The following FGF12 variants were observed in gnomAD, a reference collection of about 807,000 sequenced individuals.
FGF12 encodes the protein fibroblast growth factor 12B.
Under a neutral mutation model 23.6 loss-of-function variants are expected in FGF12, and 14 were observed. The ratio of observed to expected loss-of-function variants is 0.59; its 90% CI spans 0.39 to 0.93. FGF12 has a LOEUF of 0.93. Among genes scored for constraint, FGF12 ranks in the 40% least tolerant of loss-of-function variants. The pLI is 0.00. For synonymous variants in FGF12, 62 were observed against 77.3 expected, an observed-to-expected ratio of 0.80 and a Z score of 1.04; for missense variants, 175 against 217.8, an observed-to-expected ratio of 0.80 and a Z score of 1.24.
chr3:192,553,324 A>G (rs1035015008), intron 2 of FGF12, among the ~76,000 whole-genome samples: 2 of 152,170 alleles, frequency 1.3e-5, no homozygotes, highest in African/African-American at 4.8e-5. Context: ...AATATATAAC[A>G]GCAATACCAC....
At chr3:192,230,865 A>G (rs994895987) in intron 4 of FGF12, among the ~76,000 whole-genome samples, 1 of 152,168 alleles carries the variant, frequency 6.6e-6, no homozygotes, top group Admixed American at 6.5e-5. Flanking sequence ...AGGTTGTGGA[A>G]ATCAAGTTGA....
chr3:192,644,870 G>A (rs1715944180), intron 2 of FGF12, among the ~76,000 whole-genome samples: 1 of 152,138 alleles, frequency 6.6e-6, no homozygotes, highest in Admixed American at 6.5e-5. Context: ...AGGTGTCGTT[G>A]AGCATGGTGG....
At position 192,649,334 on chromosome 3, in the gene FGF12, G is replaced by A. The variant is rs138294516; in HGVS notation, c.13+77847C>T. Among the ~76,000 whole-genome samples the A allele has an allele frequency of 3.9e-5, 6 of 152,216 alleles. No individual in the cohort carries two copies. In the East Asian group the frequency reaches 1.2e-3, roughly 29 times the overall value. On this transcript the variant is annotated intron_variant, in intron 2 of 5. Coordinates refer to ENST00000445105, the MANE Select transcript of FGF12 (RefSeq NM_004113.6). The stretch of plus-strand genomic sequence containing the variant: ...CCCAATGGTAATGTCTATTCAATGG[G>A]CGGAAAGAGCTAGGCCCTCCCAAAG...
chr3:192,377,671 C>T (rs925469520), intron 2 of FGF12, among the ~76,000 whole-genome samples: 5 of 152,158 alleles, frequency 3.3e-5, no homozygotes, highest in African/African-American at 7.2e-5. Context: ...GACTGAGTCA[C>T]GAACACATCT....
chr3:192,613,381 G>A (rs892751186), intron 2 of FGF12, among the ~76,000 whole-genome samples: 5 of 151,748 alleles, frequency 3.3e-5, no homozygotes, highest in African/African-American at 1.2e-4. Flanking sequence ...ATCTTGCTCT[G>A]TTTTATTTTC....
chr3:192,287,451 T>C (rs1714517488), intron 4 of FGF12, among the ~76,000 whole-genome samples: 1 of 152,178 alleles, frequency 6.6e-6, no homozygotes, highest in South Asian at 2.1e-4. Context: ...AAATTTAGCT[T>C]ATTGTTTTAA....
intron 2 of FGF12, among the ~76,000 whole-genome samples, chr3:192,378,715 T>C (rs1424180190): frequency 1.3e-5 from 2 of 152,124 alleles, no homozygotes; most frequent in African/African-American, 2.4e-5. Context: ...CACTTTTTTT[T>C]AGGGTCCGGG....
intron 2 of FGF12, among the ~76,000 whole-genome samples, chr3:192,575,724 T>G (rs1712850066): frequency 6.6e-6 from 1 of 152,156 alleles, no homozygotes; most frequent in Admixed American, 6.5e-5. Context: ...GATTTTTTTT[T>G]AAAGATCTAT....
rs1427870966 is a variant in FGF12, at chr3:192,144,077, G to A, written c.478C>T (p.Arg160Cys). The A allele has an allele frequency of 3.7e-6, 6 of 1,613,530 alleles. No individual in the cohort carries two copies. Among genetic ancestry groups the A allele is most frequent in the South Asian group, 1.1e-5 (1 of 91,062 alleles). Residue 160 changes from arginine to cysteine, a missense_variant, in exon 6 of 6, where the codon CGT (arginine) becomes TGT (cysteine). Physicochemically the swap from Arg to Cys is radical, Grantham distance 180. Coordinates refer to ENST00000445105, the MANE Select transcript of FGF12 (RefSeq NM_004113.6). ...GGTGTTCCAGAACTTTTCCTTGAACGCCCTTGTTTTTCTCCAATTTCATGT... is the reference window on the plus strand; with the variant it reads ...GGTGTTCCAGAACTTTTCCTTGAACACCCTTGTTTTTCTCCAATTTCATGT... ...SLHEIGEKQG[R>C]SRKSSGTPTM...
At chr3:192,411,620 C>A (rs1415423552) in intron 2 of FGF12, among the ~76,000 whole-genome samples, 3 of 152,172 alleles carry the variant, frequency 2.0e-5, no homozygotes, top group African/African-American at 7.2e-5. Context: ...GGAAAATATT[C>A]ACATTCCACA....
chr3:192,685,555 A>G (rs1264456057), intron 2 of FGF12, among the ~76,000 whole-genome samples: 1 of 152,152 alleles, frequency 6.6e-6, no homozygotes, highest in Admixed American at 6.5e-5. Flanking sequence ...ACTGTAAAAC[A>G]GTTTCTTAGG....
chr3:192,284,510 A>G (rs922294187), intron 4 of FGF12, among the ~76,000 whole-genome samples: 1 of 152,088 alleles, frequency 6.6e-6, no homozygotes, highest in African/African-American at 2.4e-5. Context: ...AGCTAAATGC[A>G]GGATATGGGG....
chr3:192,584,643 G>C (rs1324821384), intron 2 of FGF12, among the ~76,000 whole-genome samples: 1 of 152,112 alleles, frequency 6.6e-6, no homozygotes, highest in Non-Finnish European at 1.5e-5. Context: ...CTTATCACCA[G>C]AGTTTGTAGA....
At chr3:192,366,747 T>C (rs1719003462) in intron 2 of FGF12, among the ~76,000 whole-genome samples, 3 of 152,052 alleles carry the variant, frequency 2.0e-5, no homozygotes, top group Admixed American at 2.0e-4. Flanking sequence ...GAATTAACAG[T>C]GGCCGTGCAG....
At chr3:192,145,719 C>T (rs1336444887) in intron 5 of FGF12, among the ~76,000 whole-genome samples, 2 of 152,212 alleles carry the variant, frequency 1.3e-5, no homozygotes, top group Non-Finnish European at 2.9e-5. Flanking sequence ...CCCCAAAGGA[C>T]TAAATGCCCT....
intron 2 of FGF12, among the ~76,000 whole-genome samples, chr3:192,459,776 G>C: frequency 6.6e-6 from 1 of 151,936 alleles, no homozygotes; most frequent in East Asian, 1.9e-4. Context: ...GCTTATACTT[G>C]TACAACCTTT....
At chr3:192,240,508 G>A (rs1391679822) in intron 4 of FGF12, among the ~76,000 whole-genome samples, 1 of 152,162 alleles carries the variant, frequency 6.6e-6, no homozygotes, top group Non-Finnish European at 1.5e-5. Flanking sequence ...GCTGTTATAT[G>A]CAAAAGATTT....
chr3:192,371,507 C>T lies in FGF12; in HGVS notation c.14-10969G>A, dbSNP rs184352209. On this transcript the variant is annotated intron_variant, in intron 2 of 5. Transcript: ENST00000445105. ...CTTGTTCTAAGAAATTAGGAAGACA[C>T]ATTATAGTGTGCTCTATGACTAGGA... Among the ~76,000 whole-genome samples the T allele has an allele frequency of 5.7e-3, 866 of 152,328 alleles. 9 individuals carry two copies. Among genetic ancestry groups the T allele is most frequent in the African/African-American group, 0.02 (839 of 41,584 alleles).
chr3:192,366,231 A>C (rs1303966019), intron 2 of FGF12, among the ~76,000 whole-genome samples: 3 of 152,142 alleles, frequency 2.0e-5, no homozygotes, highest in Non-Finnish European at 4.4e-5. Context: ...TCAGTTATTA[A>C]AGTACGTGTT....
Sources: gnomAD v4.1 joint callset for allele counts (sites outside exome capture counted in the v4.1 genomes callset) on GRCh38, gnomAD v4.1.1 for gene constraint, MANE v1.5 for transcripts, NCBI Gene and HGNC (gene_info 2026-07-23, HGNC 2026-07-21) for gene names.